Variants in FHIT observed in about 807,000 individuals in gnomAD.
The protein encoded by FHIT is bis(5'-adenosyl)-triphosphatase.
FHIT carries 19 observed loss-of-function variants against 17.9 expected under a neutral mutation model. That is an observed-to-expected ratio of 1.06 (90% CI 0.74 to 1.56). The LOEUF is 1.56. FHIT is among the 40% of genes most tolerant of loss of function. FHIT has a pLI of 0.00. For missense variants in FHIT, 248 were observed against 189.2 expected (o/e 1.31, Z -1.82); for synonymous variants, 81 against 69.7 (o/e 1.16, Z -0.81).
At chr3:60,767,490 C>T (rs1553721821) in intron 4 of FHIT, among the ~76,000 whole-genome samples, 1 of 152,102 alleles carries the variant, frequency 6.6e-6, no homozygotes, top group Non-Finnish European at 1.5e-5. Flanking sequence ...GATCATGTGC[C>T]TGGTAAGTGA....
In FHIT at chr3:60,376,997, T is replaced by C. The variant is rs60342516; in HGVS notation, c.103+159863A>G. ...CCATCCATTTATCTCTCTCTCCATA[T>C]GTAATGTTTATCCTTTCTTACTTTA... On this transcript the variant is annotated intron_variant, in intron 5 of 9. Coordinates refer to ENST00000492590, the MANE Select transcript of FHIT (RefSeq NM_002012.4). Among the ~76,000 whole-genome samples the C allele has an allele frequency of 6.5e-3, 994 of 152,296 alleles. 14 individuals are homozygous for C. Among genetic ancestry groups the C allele is most frequent in the African/African-American group, 0.021 (885 of 41,554 alleles).
At chr3:60,030,911 T>C (rs1420413999) in intron 5 of FHIT, among the ~76,000 whole-genome samples, 2 of 152,242 alleles carry the variant, frequency 1.3e-5, no homozygotes, top group Non-Finnish European at 2.9e-5. Context: ...ATAACTGTTA[T>C]TTTCTTAATG....
chr3:59,765,729 GTA>G (rs1701760443), intron 8 of FHIT, among the ~76,000 whole-genome samples: 1 of 152,114 alleles, frequency 6.6e-6, no homozygotes, highest in African/African-American at 2.4e-5. Context: ...TGACTGCCAG[GTA>G]TATTACCAAG....
chr3:59,814,866 T>C (rs895252882), intron 8 of FHIT, among the ~76,000 whole-genome samples: 1 of 152,100 alleles, frequency 6.6e-6, no homozygotes, highest in Admixed American at 6.5e-5. Context: ...AAGGCTACCA[T>C]GCAGTGGGGG....
chr3:60,817,344 T>G (rs1413760610), intron 4 of FHIT, among the ~76,000 whole-genome samples: 1 of 152,076 alleles, frequency 6.6e-6, no homozygotes, highest in Non-Finnish European at 1.5e-5. Flanking sequence ...AGACTTAAGA[T>G]TCCATCTGGT....
chr3:60,284,547 A>G (rs1707625524), intron 5 of FHIT, among the ~76,000 whole-genome samples: 1 of 152,128 alleles, frequency 6.6e-6, no homozygotes, highest in Non-Finnish European at 1.5e-5. Context: ...GTTATGAAAC[A>G]TGGTACTGAT....
At chr3:59,969,165 A>T (rs1401031059) in intron 7 of FHIT, among the ~76,000 whole-genome samples, 1 of 152,154 alleles carries the variant, frequency 6.6e-6, no homozygotes, top group Non-Finnish European at 1.5e-5. Context: ...AGTCCTCTGC[A>T]TCTAAATCCA....
At chr3:59,763,762 AG>A (rs1298124102) in intron 8 of FHIT, among the ~76,000 whole-genome samples, 1 of 143,768 alleles carries the variant, frequency 7.0e-6, no homozygotes, top group Non-Finnish European at 1.5e-5. Context: ...AAACACCCCA[AG>A]GGAAGAAGGA....
At chr3:61,239,232 A>T (rs147291020) in intron 1 of FHIT, among the ~76,000 whole-genome samples, 1 of 152,344 alleles carries the variant, frequency 6.6e-6, no homozygotes, top group East Asian at 1.9e-4. Context: ...TGGGAAAAAA[A>T]TCCAAATTCC....
intron 5 of FHIT, among the ~76,000 whole-genome samples, chr3:60,115,764 A>G (rs1704929373): frequency 6.6e-6 from 1 of 152,210 alleles, no homozygotes; most frequent in African/African-American, 2.4e-5. Context: ...ATAAAATGAA[A>G]AAGTATTGAC....
chr3:61,075,504 T>A (rs893765709), intron 2 of FHIT, among the ~76,000 whole-genome samples: 1 of 152,086 alleles, frequency 6.6e-6, no homozygotes, highest in Admixed American at 6.6e-5. Flanking sequence ...GACCATTGCA[T>A]AGAAACAAAA....
intron 3 of FHIT, among the ~76,000 whole-genome samples, chr3:60,972,185 T>A (rs753543395): frequency 6.6e-6 from 1 of 152,186 alleles, no homozygotes; most frequent in Non-Finnish European, 1.5e-5. Context: ...TTTTTGGTGT[T>A]CTTCATGCCC....
chr3:61,089,849 G>C (rs560170450), intron 2 of FHIT, among the ~76,000 whole-genome samples: 2 of 152,268 alleles, frequency 1.3e-5, no homozygotes, highest in South Asian at 4.1e-4. Context: ...TCCAAAGACA[G>C]AATAGACTGT....
intron 3 of FHIT, among the ~76,000 whole-genome samples, chr3:60,870,988 T>C (rs1284731487): frequency 6.6e-6 from 1 of 152,122 alleles, no homozygotes; most frequent in Non-Finnish European, 1.5e-5. Context: ...TCTACATTTG[T>C]TACCTTACTC....
In FHIT at chr3:60,249,689, G is replaced by GACACACACAC. The variant is rs59885844; in HGVS notation, c.104-235547_104-235538dup. On this transcript the variant is annotated intron_variant, in intron 5 of 9. Transcript: ENST00000492590. ...CACAATATCAAGGAAATACAGCCAA[G>GACACACACAC]ACACACACACACACACACACACACA... Among the ~76,000 whole-genome samples the GACACACACAC allele has an allele frequency of 5.6e-3, 768 of 137,376 alleles. 6 individuals carry two copies. Among genetic ancestry groups the GACACACACAC allele is most frequent in the Middle Eastern group, 0.015 (4 of 268 alleles). 90.1% of individuals were successfully genotyped at this position (137,376 alleles called of 152,430 possible).
chr3:60,226,369 G>A (rs1704197144), intron 5 of FHIT, among the ~76,000 whole-genome samples: 1 of 151,418 alleles, frequency 6.6e-6, no homozygotes, highest in Admixed American at 6.6e-5. Flanking sequence ...CTATTCGGGA[G>A]GCTGAGGCAG....
intron 8 of FHIT, among the ~76,000 whole-genome samples, chr3:59,782,915 A>G (rs1702661997): frequency 6.6e-6 from 1 of 152,150 alleles, no homozygotes; most frequent in South Asian, 2.1e-4. Context: ...AGATTGCTGG[A>G]ATTTCAACAC....
chr3:60,452,220 C>T (rs1045018671), intron 5 of FHIT, among the ~76,000 whole-genome samples: 2 of 152,144 alleles, frequency 1.3e-5, no homozygotes, highest in Admixed American at 1.3e-4. Context: ...CAGCCACACT[C>T]AATAATAAAA....
At chr3:60,844,566 C>G (rs1023441226) in intron 3 of FHIT, among the ~76,000 whole-genome samples, 1 of 152,096 alleles carries the variant, frequency 6.6e-6, no homozygotes, top group Non-Finnish European at 1.5e-5. Flanking sequence ...AATGACTAAC[C>G]AAATATGCTT....
Sources: gnomAD v4.1 joint callset for allele counts (sites outside exome capture counted in the v4.1 genomes callset) on GRCh38, gnomAD v4.1.1 for gene constraint, MANE v1.5 for transcripts, NCBI Gene and HGNC (gene_info 2026-07-23, HGNC 2026-07-21) for gene names.